The following BBC3 variants were observed in gnomAD, a reference collection of about 807,000 sequenced individuals.
The protein encoded by BBC3 is BCL2 binding component 3, also known as bcl-2-binding component 3.
BBC3 carries 5 observed loss-of-function variants against 18.2 expected under a neutral mutation model. The ratio of observed to expected loss-of-function variants is 0.27; its 90% CI spans 0.14 to 0.58. BBC3 has a LOEUF of 0.58. Ranked by LOEUF, BBC3 falls within the 20% of genes least tolerant of loss-of-function variation. BBC3 has a pLI of 0.91. For missense variants in BBC3, 224 were observed against 268.9 expected (o/e 0.83, Z 1.17); for synonymous variants, 119 against 128.0 (o/e 0.93, Z 0.47).
At chr19:47,222,396 G>A (rs749460649) in intron 3 of BBC3, 1 of 152,906 alleles carries the variant, frequency 6.5e-6, no homozygotes, top group Non-Finnish European at 1.5e-5. Context: ...GCAACGCCGA[G>A]TGAAACCCCT....
At position 47,231,060 on chromosome 19, in the gene BBC3, T is replaced by A; in HGVS notation, c.-147A>T. The A allele has an allele frequency of 1.0e-6, 1 of 960,066 alleles. No homozygotes were observed. Among genetic ancestry groups the A allele is most frequent in the Non-Finnish European group, 1.2e-6 (1 of 806,058 alleles). 59.5% of individuals were successfully genotyped at this position (960,066 alleles called of 1,614,324 possible). On this transcript the variant is annotated 5_prime_UTR_variant, in exon 1 of 4. Coordinates refer to ENST00000439096, the MANE Select transcript of BBC3 (RefSeq NM_014417.5). This position sits in a 1 kb window ranked among gnomAD's most constrained non-coding sequence, Gnocchi z 4.0. ...CTGTCGCTGCTGCTGCCGCTCTAAC[T>A]GCAGTGGCGGCTGCTGTGGCTGTGG...
chr19:47,229,358 A>G (rs1193601073), intron 1 of BBC3, among the ~76,000 whole-genome samples: 1 of 151,854 alleles, frequency 6.6e-6, no homozygotes, highest in African/African-American at 2.4e-5. Flanking sequence ...ACCAACTCTC[A>G]GGACACACGT....
At chr19:47,224,250 G>A (rs1369796604) in intron 3 of BBC3, among the ~76,000 whole-genome samples, 4 of 152,026 alleles carry the variant, frequency 2.6e-5, no homozygotes, top group Non-Finnish European at 4.4e-5. Context: ...GGCCGAGATT[G>A]CACCATTGCA....
intron 3 of BBC3, 90 bp from the exon 4 acceptor site, chr19:47,222,008 C>G: frequency 8.5e-7 from 1 of 1,180,986 alleles, no homozygotes; most frequent in Non-Finnish European, 1.2e-6. Context: ...AGCGAGGCGA[C>G]AGTCTCGCCC....
chr19:47,229,835 C>A (rs1223652794), intron 1 of BBC3, among the ~76,000 whole-genome samples: 1 of 152,070 alleles, frequency 6.6e-6, no homozygotes, highest in Admixed American at 6.6e-5. Context: ...CACACACTCA[C>A]ACCTGACAAC....
intron 3 of BBC3, 87 bp downstream of exon 3, chr19:47,226,465 GCGCAGGGCAGCA>G: frequency 1.1e-6 from 1 of 910,514 alleles, no homozygotes; most frequent in Non-Finnish European, 1.5e-6. Context: ...CGACCCAGCC[GCGCAGGGCAGCA>G]GCTGCCGCAC....
chr19:47,224,021 G>T (rs867251320), intron 3 of BBC3, among the ~76,000 whole-genome samples: 1 of 152,110 alleles, frequency 6.6e-6, no homozygotes, highest in Non-Finnish European at 1.5e-5. Context: ...ATGGCCGGGC[G>T]CAGTGGCTTA....
intron 3 of BBC3, among the ~76,000 whole-genome samples, chr19:47,223,783 C>T (rs1201876613): frequency 2.0e-5 from 3 of 152,084 alleles, no homozygotes; most frequent in Non-Finnish European, 2.9e-5. Flanking sequence ...CTCCTCAACA[C>T]TCCCTAGCAA....
intron 3 of BBC3, among the ~76,000 whole-genome samples, chr19:47,225,138 C>T (rs545189273): frequency 1.4e-4 from 21 of 152,050 alleles, no homozygotes; most frequent in Middle Eastern, 3.4e-3. Flanking sequence ...CTCGAACTCC[C>T]GACCTCAGGT....
upstream of BBC3, chr19:47,231,262 G>T (rs947132689): frequency 1.2e-5 from 9 of 726,078 alleles, no homozygotes; most frequent in African/African-American, 1.4e-4. The surrounding 1 kb of genome is among the most constrained non-coding windows in gnomAD (Gnocchi z 4.0). Flanking sequence ...CCCCGCCCCC[G>T]CCCGGCGGGT....
At chr19:47,223,095 C>T (rs1178638174) in intron 3 of BBC3, among the ~76,000 whole-genome samples, 1 of 149,930 alleles carries the variant, frequency 6.7e-6, no homozygotes, top group Non-Finnish European at 1.5e-5. Context: ...ACAGTGAAAC[C>T]CCATCTCTAC....
Position 47,221,384 on chromosome 19 carries a change from G to A in BBC3, c.*418C>T, listed in dbSNP as rs573226697. 3 of 291,700 alleles carry A rather than the reference G, an allele frequency of 1.0e-5. No individual in the cohort carries two copies. The East Asian group carries it at 2.4e-4, about 24-fold the overall frequency. 18.1% of individuals were successfully genotyped at this position (291,700 alleles called of 1,614,324 possible). On this transcript the variant is annotated 3_prime_UTR_variant, in exon 4 of 4. Coordinates refer to ENST00000439096, the MANE Select transcript of BBC3 (RefSeq NM_014417.5). Reference sequence around the variant, plus strand: ...CAGGAGGAGGGGGGGAAGCACCAGGGGCCTGAGGCCAGGCCCAGAGTGAAG... The same window carrying A: ...CAGGAGGAGGGGGGGAAGCACCAGGAGCCTGAGGCCAGGCCCAGAGTGAAG...
At chr19:47,223,907 C>G (rs567646284) in intron 3 of BBC3, among the ~76,000 whole-genome samples, 2 of 152,144 alleles carry the variant, frequency 1.3e-5, no homozygotes, top group Non-Finnish European at 2.9e-5. Flanking sequence ...TAGCAATCAC[C>G]TAGTAAGGTG....
chr19:47,231,281 C>T, upstream of BBC3: 1 of 843,506 alleles, frequency 1.2e-6, no homozygotes, highest in Non-Finnish European at 1.4e-6. The surrounding 1 kb of genome is among the most constrained non-coding windows in gnomAD (Gnocchi z 4.0). Flanking sequence ...GTCCCACGCC[C>T]CGCCCCCGCG....
intron 3 of BBC3, among the ~76,000 whole-genome samples, chr19:47,226,329 C>T (rs986519762): frequency 7.9e-5 from 12 of 151,890 alleles, no homozygotes; most frequent in Admixed American, 2.0e-4. Flanking sequence ...CGGCCTAGTC[C>T]CTGGCCCTGG....
rs1457923196 is a variant in BBC3 at position 47,231,142 on chromosome 19, C to A, written c.-229G>T. The A allele has an allele frequency of 1.0e-6, 1 of 984,960 alleles. No individual in the cohort carries two copies. Among genetic ancestry groups the A allele is most frequent in the Non-Finnish European group, 1.2e-6 (1 of 829,752 alleles). The allele number at this position is 984,960 out of a possible 1,614,324, so 61.0% of individuals were successfully genotyped here. On this transcript the variant is annotated 5_prime_UTR_variant, in exon 1 of 4. Coordinates refer to ENST00000439096, the MANE Select transcript of BBC3 (RefSeq NM_014417.5). The surrounding 1 kb of genome is among the most constrained non-coding windows in gnomAD (Gnocchi z 4.0). ...CGCGTCGTGGCCGCTGCTGGGATCG[C>A]TGGTGCCGCCGCCGCCGCCGCCAGG...
In BBC3 at chr19:47,221,817, C is replaced by A. The variant is rs1381114412; in HGVS notation, c.567G>T (p.Glu189Asp). 6.2e-7 allele frequency: 1 copy of A among 1,613,508 alleles called. No individual in the cohort carries two copies. The highest frequency in any genetic ancestry group is 8.5e-7 in the Non-Finnish European group (1 of 1,179,796). The change falls in exon 4 of 4, where the codon GAG becomes GAT. Residue 189 changes from glutamate (E) to aspartate (D), a missense_variant. Glu to Asp is a conservative substitution (Grantham distance 45). Transcript: ENST00000439096. ...LPLPRGHRAP[E>D]MEPN ...GTGCAGGCACCTAATTGGGCTCCAT[C>A]TCGGGGGCTCTGTGGCCCCTGGGTA... is the stretch of plus-strand genomic sequence containing the variant.
Position 47,221,524 on chromosome 19 carries a change from C to G in BBC3, c.*278G>C, listed in dbSNP as rs990400673. 5.0e-5 allele frequency: 29 copies of G among 579,294 alleles called. No individual in the cohort carries two copies. Among genetic ancestry groups the G allele is most frequent in the Non-Finnish European group, 7.4e-5 (26 of 350,710 alleles). The allele number at this position is 579,294 out of a possible 1,614,324, so 35.9% of individuals were successfully genotyped here. A position where few individuals can be genotyped will look rare whatever the true frequency, so the allele number is the denominator to read the frequency against. ...GGCGGCAGAGGCGGGCGGCTCAGTC[C>G]CCACCCCCTCGGTCACCGCCACCTT... On this transcript the variant is annotated 3_prime_UTR_variant, in exon 4 of 4. Transcript: ENST00000439096.
chr19:47,225,538 G>T (rs866775325), intron 3 of BBC3, among the ~76,000 whole-genome samples: 5 of 151,826 alleles, frequency 3.3e-5, no homozygotes. Context: ...TGTATTTTTT[G>T]TAGCAACGGG....
Sources: allele counts gnomAD v4.1 joint callset (sites outside exome capture counted in the v4.1 genomes callset), GRCh38; gene constraint gnomAD v4.1.1; non-coding constraint Gnocchi (gnomAD v3.1); transcripts MANE v1.5; gene names NCBI Gene and HGNC (gene_info 2026-07-23, HGNC 2026-07-21).